Variants in LRRC9 observed in about 807,000 individuals in gnomAD.
LRRC9 encodes leucine-rich repeat-containing protein 9.
Under a neutral mutation model 63.2 loss-of-function variants are expected in LRRC9, and 122 were observed. The ratio of observed to expected loss-of-function variants is 1.93; its 90% CI spans 1.67 to 2.24. The LOEUF is 2.24. LRRC9 is among the 30% of genes most tolerant of loss of function. The pLI is 0.00. For synonymous variants in LRRC9, 366 were observed against 213.1 expected (o/e 1.72, Z -6.25); for missense variants, 1,071 against 627.7 (o/e 1.71, Z -7.55).
At position 59,964,011 on chromosome 14, in the gene LRRC9, A is replaced by C. The variant is rs1174897583; in HGVS notation, c.1212-2578A>C. The stretch of plus-strand genomic sequence containing the variant: ...GTGTAACTGAATATATTAGTCATTG[A>C]TATATATCATTGTGAATGTTTATAC... On this transcript the variant is annotated intron_variant, in intron 10 of 31. Transcript: ENST00000445360. This position sits in a 1 kb window ranked among gnomAD's most constrained non-coding sequence, Gnocchi z 4.4. Among the ~76,000 whole-genome samples, 2 of 152,192 alleles carry C rather than the reference A, an allele frequency of 1.3e-5. No individual in the cohort carries two copies. The highest frequency in any genetic ancestry group is 2.9e-5 in the Non-Finnish European group (2 of 68,026).
intron 13 of LRRC9, 142 bp downstream of exon 13, chr14:59,974,850 G>C: frequency 2.2e-6 from 1 of 449,284 alleles, no homozygotes; most frequent in Non-Finnish European, 3.9e-6. Context: ...TACCAGTGTA[G>C]TAATACATGA....
exon 32 of LRRC9, chr14:60,063,515 T>C: frequency 1.8e-6 from 1 of 548,636 alleles, no homozygotes; most frequent in Non-Finnish European, 3.2e-6. Context: ...AGATAATCTA[T>C]TACCCTTCAT....
At chr14:60,032,761 G>A (rs886224455) in intron 29 of LRRC9, among the ~76,000 whole-genome samples, 4 of 152,080 alleles carry the variant, frequency 2.6e-5, no homozygotes, top group Admixed American at 1.3e-4. Flanking sequence ...ACTACACTGA[G>A]CTTTTTCCGC....
At chr14:59,973,699 T>A (rs1426262735) in intron 12 of LRRC9, among the ~76,000 whole-genome samples, 4 of 152,154 alleles carry the variant, frequency 2.6e-5, no homozygotes, top group Non-Finnish European at 5.9e-5. Flanking sequence ...TCCTGAATAT[T>A]TTCAATCCAT....
intron 30 of LRRC9, chr14:60,057,602 A>T (rs1359215957): frequency 4.9e-6 from 1 of 205,962 alleles, no homozygotes; most frequent in East Asian, 1.0e-4. Context: ...CCCTTTGGAA[A>T]GGGCGAGTTG....
At chr14:59,975,143 ATATATATGTATATATATATATG>A (rs1457448936) in intron 13 of LRRC9, among the ~76,000 whole-genome samples, 5 of 12,486 alleles carry the variant, frequency 4.0e-4, no homozygotes, top group African/African-American at 7.4e-4. Flanking sequence ...ATATATACAT[ATATATATGTATATATATATATG>A]TATATATATA....
intron 14 of LRRC9, 33 bp downstream of exon 14, chr14:59,977,380 T>C: frequency 1.6e-6 from 1 of 638,612 alleles, no homozygotes; most frequent in Non-Finnish European, 2.8e-6. Flanking sequence ...TGTGGTTTTA[T>C]CTCTCTGAAT....
intron 29 of LRRC9, among the ~76,000 whole-genome samples, chr14:60,039,048 T>C (rs1290509796): frequency 1.3e-5 from 2 of 152,210 alleles, no homozygotes; most frequent in Non-Finnish European, 2.9e-5. Context: ...TTGGTTCTGT[T>C]TATATGATGG....
At chr14:60,036,531 A>G (rs1284391444) in intron 29 of LRRC9, among the ~76,000 whole-genome samples, 1 of 152,174 alleles carries the variant, frequency 6.6e-6, no homozygotes, top group Non-Finnish European at 1.5e-5. Context: ...AATTTGTAGA[A>G]TGTCCTTCAA....
At chr14:60,025,412 A>T (rs938109440) in intron 27 of LRRC9, among the ~76,000 whole-genome samples, 1 of 151,962 alleles carries the variant, frequency 6.6e-6, no homozygotes, top group Non-Finnish European at 1.5e-5. Context: ...CAGATATTTT[A>T]AAAGATACAC....
intron 24 of LRRC9, 115 bp from the exon 25 acceptor site, chr14:60,018,256 T>C (rs1199986833): frequency 3.1e-6 from 2 of 637,620 alleles, no homozygotes; most frequent in African/African-American, 1.8e-5. Context: ...ATTTTTATAC[T>C]TGTCAGGTGA....
At chr14:60,021,850 T>G (rs770024105) in intron 26 of LRRC9, among the ~76,000 whole-genome samples, 1 of 151,914 alleles carries the variant, frequency 6.6e-6, no homozygotes, top group African/African-American at 2.4e-5. Flanking sequence ...TGTATGTCTG[T>G]CCTTTTGTGC....
chr14:60,031,866 G>A lies in LRRC9; in HGVS notation c.3922-129G>A. ...AAGAATACAGAATACTGTCACTCAA[G>A]CTCACTTCAGAGAATTCAATCATGA... On this transcript the variant is annotated intron_variant, in intron 28 of 31. Coordinates refer to ENST00000445360, the Ensembl canonical transcript of LRRC9. The surrounding 1 kb of genome is among the most constrained non-coding windows in gnomAD (Gnocchi z 4.6). 1.7e-6 allele frequency: 1 copy of A among 595,190 alleles called. No homozygotes were observed. The highest frequency in any genetic ancestry group is 3.0e-6 in the Non-Finnish European group (1 of 335,484). The allele number at this position is 595,190 out of a possible 1,614,324, so 36.9% of individuals were successfully genotyped here. A position where few individuals can be genotyped will look rare whatever the true frequency, so the allele number is the denominator to read the frequency against.
rs2139823719 is a variant in LRRC9, at chr14:59,938,789, A to T, written c.726+217A>T. On this transcript the variant is annotated intron_variant, in intron 7 of 31. Coordinates refer to ENST00000445360, the Ensembl canonical transcript of LRRC9. The surrounding 1 kb of genome is among the most constrained non-coding windows in gnomAD (Gnocchi z 4.2). ...TGATGACAGTACTGGAAGGTGAAAT[A>T]ATAGAATAATAATGTTTCTAATCTA... 6.6e-6 allele frequency among the ~76,000 whole-genome samples: 1 copy of T among 151,230 alleles called. No individual in the cohort carries two copies. Among genetic ancestry groups the T allele is most frequent in the South Asian group, 2.1e-4 (1 of 4,824 alleles).
rs1893909909 is a variant in LRRC9 at position 60,051,746 on chromosome 14, C to T, written c.3991-1319C>T. On this transcript the variant is annotated intron_variant, in intron 29 of 31. Coordinates refer to ENST00000445360, the Ensembl canonical transcript of LRRC9. The surrounding 1 kb of genome is among the most constrained non-coding windows in gnomAD (Gnocchi z 4.7). The stretch of plus-strand genomic sequence containing the variant: ...GCTGGAGTATATAAAACTTCTGGGT[C>T]TCTGTGCCTGAGCAGCTACTCTGCC... Among the ~76,000 whole-genome samples, 1 of 152,216 alleles carries T rather than the reference C, an allele frequency of 6.6e-6. No homozygotes were observed. The highest frequency in any genetic ancestry group is 2.1e-4 in the South Asian group (1 of 4,832).
At position 59,967,156 on chromosome 14, in the gene LRRC9, GA is replaced by G. The variant is rs746830477; in HGVS notation, c.1454del (p.Lys485SerfsTer32). The G allele has an allele frequency of 3.1e-6, 2 of 646,184 alleles. No individual in the cohort carries two copies. The highest frequency in any genetic ancestry group is 1.8e-5 in the African/African-American group (1 of 56,606). The allele number at this position is 646,184 out of a possible 1,614,324, so 40.0% of individuals were successfully genotyped here. A position where few individuals can be genotyped will look rare whatever the true frequency, so the allele number is the denominator to read the frequency against. On this transcript the variant is annotated frameshift_variant, in exon 12 of 32. Coordinates refer to ENST00000445360, the Ensembl canonical transcript of LRRC9. LOFTEE classifies it high-confidence loss of function. ...TTTTTGATCCTGAAGTTTCAGTGAA[GA>G]AAAAGCATCTTCTACAAATACTTGA... is the stretch of plus-strand genomic sequence containing the variant.
At position 59,977,304 on chromosome 14, in the gene LRRC9, T is replaced by G. The variant is rs908018345; in HGVS notation, c.1719T>G (p.Tyr573Ter). 2.9e-6 allele frequency: 2 copies of G among 700,400 alleles called. No individual in the cohort carries two copies. Among genetic ancestry groups the G allele is most frequent in the Non-Finnish European group, 5.2e-6 (2 of 384,166 alleles). 43.4% of individuals were successfully genotyped at this position (700,400 alleles called of 1,614,324 possible). ...AAGAATCCATCAGTCAATCCAACTATCCAATGGTTAATTCAGTGTTCATTC... is the reference window on the plus strand; with the variant it reads ...AAGAATCCATCAGTCAATCCAACTAGCCAATGGTTAATTCAGTGTTCATTC... The change falls in exon 14 of 32, where the codon TAT becomes TAG. Residue 573 changes from tyrosine to a stop codon, truncating the protein, a stop_gained. Transcript: ENST00000445360. LOFTEE classifies it high-confidence loss of function.
At position 59,958,047 on chromosome 14, in the gene LRRC9, G is replaced by A. The variant is rs557073955; in HGVS notation, c.883-1771G>A. Among the ~76,000 whole-genome samples, 8 of 152,328 alleles carry A rather than the reference G, an allele frequency of 5.3e-5. No homozygotes were observed. In the South Asian group the frequency reaches 1.7e-3, roughly 32 times the overall value. On this transcript the variant is annotated intron_variant, in intron 8 of 31. Coordinates refer to ENST00000445360, the Ensembl canonical transcript of LRRC9. This position sits in a 1 kb window ranked among gnomAD's most constrained non-coding sequence, Gnocchi z 4.0. ...GCCTGATGCCAACCAGAGCTCTCCT[G>A]TATGAGGTGTCTGTCGACCCCTGTT...
chr14:59,921,256 G>C (rs904838895), intron 1 of LRRC9, among the ~76,000 whole-genome samples: 5 of 152,258 alleles, frequency 3.3e-5, no homozygotes, highest in East Asian at 3.9e-4. Flanking sequence ...TGGCTGATGA[G>C]CATGTGAGGT....
Sources: allele counts gnomAD v4.1 joint callset (sites outside exome capture counted in the v4.1 genomes callset), GRCh38; gene constraint gnomAD v4.1.1; non-coding constraint Gnocchi (gnomAD v3.1); transcripts MANE v1.5; gene names NCBI Gene and HGNC (gene_info 2026-07-23, HGNC 2026-07-21).